EYS: variants seen among roughly 807,000 people sequenced by gnomAD.
EYS encodes EGF-like photoreceptor maintenance factor.
EYS carries 250 observed loss-of-function variants against 282.1 expected under a neutral mutation model. The observed-to-expected ratio is 0.89, with a 90% CI of 0.80 to 0.98. EYS has a LOEUF of 0.98. Among genes scored for constraint, EYS ranks in the 50% least tolerant of loss-of-function variants. EYS has a pLI of 0.00. For missense variants in EYS, 4,016 were observed against 3,709.0 expected (o/e 1.08, Z -2.15); for synonymous variants, 1,355 against 1,282.9 (o/e 1.06, Z -1.20).
intron 12 of EYS, among the ~76,000 whole-genome samples, chr6:65,192,308 T>C (rs1765661828): frequency 6.6e-6 from 1 of 151,068 alleles, no homozygotes. Flanking sequence ...TGTGTGTGTG[T>C]GTGTGTGTGT....
chr6:64,345,050 G>A (rs1045198665), intron 29 of EYS, among the ~76,000 whole-genome samples: 7 of 152,020 alleles, frequency 4.6e-5, no homozygotes, highest in Admixed American at 2.6e-4. Context: ...AAATCAAAGA[G>A]GATACAAACA....
intron 30 of EYS, among the ~76,000 whole-genome samples, chr6:64,242,711 A>C (rs1249762508): frequency 2.0e-5 from 3 of 151,616 alleles, no homozygotes; most frequent in Middle Eastern, 3.2e-3. Flanking sequence ...ATCTAAGGAT[A>C]ATATTTTCAA....
chr6:64,024,435 A>G (rs1032086725), intron 33 of EYS, among the ~76,000 whole-genome samples: 12 of 152,060 alleles, frequency 7.9e-5, no homozygotes, highest in Middle Eastern at 6.3e-3. Flanking sequence ...ACCAATCAGC[A>G]CCCTGTCAAA....
At chr6:65,152,328 C>G (rs1488187871) in intron 12 of EYS, among the ~76,000 whole-genome samples, 1 of 151,886 alleles carries the variant, frequency 6.6e-6, no homozygotes, top group Non-Finnish European at 1.5e-5. Flanking sequence ...CCCTAAAGAT[C>G]CCAGTGTTGA....
intron 35 of EYS, among the ~76,000 whole-genome samples, chr6:63,866,283 A>C (rs1772670011): frequency 6.6e-6 from 1 of 152,212 alleles, no homozygotes; most frequent in African/African-American, 2.4e-5. Flanking sequence ...GGTAATGGAT[A>C]AATCTGATAT....
chr6:65,399,865 C>T (rs1464304936), intron 7 of EYS, among the ~76,000 whole-genome samples: 1 of 152,004 alleles, frequency 6.6e-6, no homozygotes, highest in Non-Finnish European at 1.5e-5. Context: ...AGCTCTATAT[C>T]TGTTTTGGCT....
chr6:65,318,649 ATG>A (rs1769382708), intron 11 of EYS, among the ~76,000 whole-genome samples: 2 of 148,558 alleles, frequency 1.3e-5, no homozygotes, highest in Admixed American at 1.3e-4. Context: ...TATATAATAT[ATG>A]TATTTTTTAA....
intron 31 of EYS, among the ~76,000 whole-genome samples, chr6:64,196,299 C>A (rs1442508039): frequency 1.3e-5 from 2 of 152,120 alleles, no homozygotes; most frequent in East Asian, 3.8e-4. Context: ...GTTGGTGGGA[C>A]TGTAAACTAG....
chr6:63,847,949 A>G (rs186547097), intron 36 of EYS, among the ~76,000 whole-genome samples: 1 of 152,236 alleles, frequency 6.6e-6, no homozygotes, highest in African/African-American at 2.4e-5. Context: ...GGGTCAAGTC[A>G]TTTGACTCAT....
chr6:64,167,215 A>G (rs1441911275), intron 31 of EYS, among the ~76,000 whole-genome samples: 1 of 152,194 alleles, frequency 6.6e-6, no homozygotes, highest in Non-Finnish European at 1.5e-5. Context: ...TGATTACCAT[A>G]TATTTATTTA....
At chr6:64,931,101 G>A (rs1768708973) in intron 15 of EYS, among the ~76,000 whole-genome samples, 1 of 152,240 alleles carries the variant, frequency 6.6e-6, no homozygotes, top group African/African-American at 2.4e-5. Context: ...TGTTTAGAGA[G>A]ATGAGCACAT....
At chr6:64,626,392 A>G (rs1767611657) in intron 22 of EYS, 147 bp from the exon 23 acceptor site, 1 of 836,988 alleles carries the variant, frequency 1.2e-6, no homozygotes, top group South Asian at 2.2e-5. Context: ...CAATGAGTTG[A>G]ATTGTGGCCC....
At chr6:64,250,388 A>C (rs955901820) in intron 30 of EYS, among the ~76,000 whole-genome samples, 2 of 152,210 alleles carry the variant, frequency 1.3e-5, no homozygotes, top group African/African-American at 4.8e-5. Context: ...AATTGCACGC[A>C]ACCGTGGCCA....
chr6:64,318,002 G>A (rs931181699), intron 29 of EYS, among the ~76,000 whole-genome samples: 5 of 152,006 alleles, frequency 3.3e-5, no homozygotes, highest in African/African-American at 1.2e-4. Context: ...TACAGAGAGG[G>A]GAATATCACA....
At chr6:65,570,733 A>G (rs1764447805) in intron 2 of EYS, among the ~76,000 whole-genome samples, 1 of 152,178 alleles carries the variant, frequency 6.6e-6, no homozygotes, top group Non-Finnish European at 1.5e-5. Context: ...TAAAGTCTCA[A>G]TAAAAAGAAA....
chr6:64,071,781 A>G (rs1240259830), intron 32 of EYS, among the ~76,000 whole-genome samples: 2 of 151,502 alleles, frequency 1.3e-5, no homozygotes, highest in African/African-American at 4.8e-5. Flanking sequence ...GTTACAACAC[A>G]TATAAGGAGG....
intron 41 of EYS, among the ~76,000 whole-genome samples, chr6:63,737,572 G>A (rs1261140121): frequency 3.9e-5 from 6 of 152,044 alleles, no homozygotes; most frequent in Admixed American, 1.3e-4. Flanking sequence ...GTCCCTGCCC[G>A]GCTTTGGTAT....
At chr6:63,794,789 G>A (rs1770601533) in intron 37 of EYS, among the ~76,000 whole-genome samples, 1 of 152,154 alleles carries the variant, frequency 6.6e-6, no homozygotes. Flanking sequence ...GACATGGTGA[G>A]AGTTTTTTCA....
intron 22 of EYS, among the ~76,000 whole-genome samples, chr6:64,785,793 A>C (rs1244110594): frequency 7.9e-5 from 12 of 152,152 alleles, no homozygotes; most frequent in Admixed American, 7.9e-4. Context: ...TGGAGGTATA[A>C]ATTTAAATAA....
Sources: gnomAD v4.1 joint callset for allele counts (sites outside exome capture counted in the v4.1 genomes callset) on GRCh38, gnomAD v4.1.1 for gene constraint, MANE v1.5 for transcripts, NCBI Gene and HGNC (gene_info 2026-07-23, HGNC 2026-07-21) for gene names.